OTOF: variants seen among roughly 807,000 people sequenced by gnomAD.
OTOF encodes otoferlin.
OTOF carries 218 observed loss-of-function variants against 236.8 expected under a neutral mutation model. The ratio of observed to expected loss-of-function variants is 0.92; its 90% CI spans 0.82 to 1.03. The LOEUF is 1.03. Among genes scored for constraint, OTOF ranks in the 50% least tolerant of loss-of-function variants. The pLI, the probability that OTOF is intolerant of heterozygous loss-of-function variation, is 0.00. For missense variants in OTOF, 2,590 were observed against 2,694.4 expected (o/e 0.96, Z 0.86); for synonymous variants, 1,041 against 1,072.5 (o/e 0.97, Z 0.57).
chr2:26,506,718 G>A (rs1666257586), intron 5 of OTOF, among the ~76,000 whole-genome samples: 1 of 152,222 alleles, frequency 6.6e-6, no homozygotes, highest in African/African-American at 2.4e-5. Flanking sequence ...TACTTGTCCT[G>A]GTCCGGTGCG....
chr2:26,479,235 C>T, intron 18 of OTOF, 29 bp downstream of exon 18: 1 of 1,611,306 alleles, frequency 6.2e-7, no homozygotes, highest in Non-Finnish European at 8.5e-7. Flanking sequence ...CAGGACCCCA[C>T]CCCTGCTGGC....
intron 38 of OTOF, 101 bp from the exon 39 acceptor site, chr2:26,465,130 C>T (rs1324760079): frequency 9.6e-7 from 1 of 1,043,586 alleles, no homozygotes; most frequent in Non-Finnish European, 1.3e-6. Flanking sequence ...CTGTTGCCCT[C>T]ATCAGCAAGT....
intron 13 of OTOF, among the ~76,000 whole-genome samples, chr2:26,482,909 A>ATGTG (rs1665591109): frequency 2.1e-5 from 2 of 95,712 alleles, no homozygotes; most frequent in African/African-American, 4.1e-5. Context: ...TAATGGGTGC[A>ATGTG]TGTGTGCGTG....
chr2:26,481,269 C>T (rs914211686), intron 14 of OTOF, among the ~76,000 whole-genome samples: 1 of 152,224 alleles, frequency 6.6e-6, no homozygotes, highest in African/African-American at 2.4e-5. Context: ...GAACTTAGAG[C>T]AGGAATTGTC....
At chr2:26,542,716 G>A (rs921676393) in intron 1 of OTOF, among the ~76,000 whole-genome samples, 17 of 152,190 alleles carry the variant, frequency 1.1e-4, no homozygotes, top group Admixed American at 2.0e-4. Flanking sequence ...GGGGAGTCCC[G>A]ATGGTGAAGG....
At position 26,477,541 on chromosome 2, in the gene OTOF, G is replaced by C. The variant is rs953002066; in HGVS notation, c.2316-35C>G. The C allele has an allele frequency of 2.5e-6, 4 of 1,594,066 alleles. No homozygotes were observed. In the Admixed American group the frequency reaches 5.2e-5, roughly 21 times the overall value. ...GGGCGAGCCGGGGTTTAGCGAGCCTGACCAGCAGGGGCTCTGTAGATTCTT... is the reference window on the plus strand; with the variant it reads ...GGGCGAGCCGGGGTTTAGCGAGCCTCACCAGCAGGGGCTCTGTAGATTCTT... On this transcript the variant is annotated intron_variant, in intron 19 of 46. Transcript: ENST00000272371. This position sits in a 1 kb window ranked among gnomAD's most constrained non-coding sequence, Gnocchi z 4.7.
chr2:26,517,024 T>A (rs1235739360), intron 4 of OTOF, among the ~76,000 whole-genome samples: 1 of 152,046 alleles, frequency 6.6e-6, no homozygotes, highest in East Asian at 1.9e-4. Flanking sequence ...CCGCCAGAAA[T>A]CGGCTTGTTG....
chr2:26,502,420 G>A lies in OTOF; in HGVS notation c.590C>T (p.Pro197Leu), dbSNP rs1666139699. The A allele has an allele frequency of 3.7e-6, 6 of 1,612,908 alleles. No homozygotes were observed. The highest frequency in any genetic ancestry group is 2.2e-5 in the East Asian group (1 of 44,882). ...HKEEPQRPDE[P>L]AVLEMEDLDH... ...AAGGTCTTCCATCTCCAGCACCGCC[G>A]GTTCATCTGGGGAAGATGAAAGACT... The change falls in exon 7 of 47, where the codon CCG becomes CTG. Residue 197 changes from proline (P) to leucine (L), a missense_variant. Physicochemically the swap from Pro to Leu is moderately conservative, Grantham distance 98. Around this residue, in one of 2 missense-constraint regions of OTOF, gnomAD observed 1,379 missense variants for 1,341.6 expected, o/e 1.03. Transcript: ENST00000272371.
At chr2:26,521,387 G>C (rs1456164110) in intron 3 of OTOF, among the ~76,000 whole-genome samples, 4 of 152,282 alleles carry the variant, frequency 2.6e-5, no homozygotes, top group African/African-American at 9.6e-5. Flanking sequence ...CACTCCCAGG[G>C]GGCAGGGTGG....
intron 1 of OTOF, among the ~76,000 whole-genome samples, chr2:26,551,880 A>G (rs763569468): frequency 2.0e-5 from 3 of 152,172 alleles, no homozygotes; most frequent in Non-Finnish European, 4.4e-5. Context: ...CTTATCTTTT[A>G]TAACTGTGTA....
rs148182385 is a variant in OTOF, at chr2:26,543,778, G to T, written c.80-6004C>A. ...GTCACCCAGGCTGGAGTGCAGTGGCGTAATCTCCGCTCACTGCAACCTCCA... is the reference window on the plus strand; with the variant it reads ...GTCACCCAGGCTGGAGTGCAGTGGCTTAATCTCCGCTCACTGCAACCTCCA... On this transcript the variant is annotated intron_variant, in intron 1 of 46. Coordinates refer to ENST00000272371, the MANE Select transcript of OTOF (RefSeq NM_194248.3). Among the ~76,000 whole-genome samples, 942 of 152,236 alleles carry T rather than the reference G, an allele frequency of 6.2e-3. 9 individuals carry two copies. The highest frequency in any genetic ancestry group is 0.021 in the African/African-American group (883 of 41,532).
chr2:26,492,010 C>G (rs756848344), intron 9 of OTOF, among the ~76,000 whole-genome samples: 1 of 152,346 alleles, frequency 6.6e-6, no homozygotes, highest in African/African-American at 2.4e-5. Flanking sequence ...TTCCTACCAG[C>G]TCAGATAATT....
At chr2:26,512,436 G>A (rs569023252) in intron 5 of OTOF, among the ~76,000 whole-genome samples, 1 of 152,366 alleles carries the variant, frequency 6.6e-6, no homozygotes, top group African/African-American at 2.4e-5. Flanking sequence ...GTGTGTGCAT[G>A]TGAGTGTGGT....
At chr2:26,534,549 G>A (rs1410923807) in intron 2 of OTOF, among the ~76,000 whole-genome samples, 1 of 152,218 alleles carries the variant, frequency 6.6e-6, no homozygotes, top group Admixed American at 6.5e-5. Flanking sequence ...CCCAGCTGCT[G>A]CAGCCCCTCT....
At chr2:26,463,220 G>A (rs1213381304) in intron 41 of OTOF, among the ~76,000 whole-genome samples, 1 of 152,182 alleles carries the variant, frequency 6.6e-6, no homozygotes, top group Non-Finnish European at 1.5e-5. Context: ...AGTGTGCTGT[G>A]TGGGGCTTGT....
At chr2:26,516,654 C>A in intron 4 of OTOF, 55 bp from the exon 5 acceptor site, 1 of 1,566,612 alleles carries the variant, frequency 6.4e-7, no homozygotes, top group Non-Finnish European at 8.7e-7. Context: ...AATCTCCACC[C>A]CGTATATGTG....
Position 26,463,584 on chromosome 2 carries a change from G to A in OTOF, c.5104-13C>T, listed in dbSNP as rs746464985. The A allele has an allele frequency of 6.9e-6, 11 of 1,587,590 alleles. No individual in the cohort carries two copies. The highest frequency in any genetic ancestry group is 2.7e-5 in the African/African-American group (2 of 74,484). ...GCTCCAGGCGGCCCTGAGGAAGAGGGTTGTGGCAGATCTCCCAGGGCCTTC... is the reference window on the plus strand; with the variant it reads ...GCTCCAGGCGGCCCTGAGGAAGAGGATTGTGGCAGATCTCCCAGGGCCTTC... On this transcript the variant is annotated splice_polypyrimidine_tract_variant and intron_variant, in intron 40 of 46. Coordinates refer to ENST00000272371, the MANE Select transcript of OTOF (RefSeq NM_194248.3).
intron 8 of OTOF, 26 bp downstream of exon 8, chr2:26,501,728 C>T (rs769156564): frequency 1.0e-5 from 16 of 1,567,388 alleles, no homozygotes; most frequent in Middle Eastern, 3.3e-4. Flanking sequence ...GTCTGAAAGA[C>T]ATGAGGCCTC....
At chr2:26,482,038 C>T (rs1395393369) in intron 14 of OTOF, among the ~76,000 whole-genome samples, 1 of 152,036 alleles carries the variant, frequency 6.6e-6, no homozygotes, top group Admixed American at 6.6e-5. Flanking sequence ...TATTAGGTAT[C>T]ATATATATAT....
Sources: allele counts gnomAD v4.1 joint callset (sites outside exome capture counted in the v4.1 genomes callset), GRCh38; gene constraint gnomAD v4.1.1; regional missense constraint gnomAD v4.1.1; non-coding constraint Gnocchi (gnomAD v3.1); transcripts MANE v1.5; gene names NCBI Gene and HGNC (gene_info 2026-07-23, HGNC 2026-07-21).